FGF2: variants seen among roughly 807,000 people sequenced by gnomAD.
FGF2 encodes the protein basic fibroblast growth factor bFGF.
FGF2 carries 13 observed loss-of-function variants against 15.9 expected under a neutral mutation model. The observed-to-expected ratio is 0.82, with a 90% CI of 0.53 to 1.30. The LOEUF is 1.30. FGF2 is among the 50% of genes most tolerant of loss of function. The probability of loss-of-function intolerance (pLI) is 0.00; values close to 1 mark genes in which losing one functional copy is unlikely to be tolerated. For missense variants in FGF2, 163 were observed against 196.9 expected (o/e 0.83, Z 1.03); for synonymous variants, 90 against 78.4 (o/e 1.15, Z -0.78).
chr4:122,863,980 C>G (rs965302670), intron 1 of FGF2, among the ~76,000 whole-genome samples: 1 of 147,948 alleles, frequency 6.8e-6, no homozygotes, highest in African/African-American at 2.7e-5. Context: ...TTGAAACAGG[C>G]CTGCAACATT....
intron 1 of FGF2, among the ~76,000 whole-genome samples, chr4:122,875,325 T>A (rs1726816830): frequency 6.6e-6 from 1 of 152,016 alleles, no homozygotes; most frequent in Non-Finnish European, 1.5e-5. Flanking sequence ...AGGATCTTAT[T>A]TTATGAAAAT....
At chr4:122,866,284 C>T (rs940865873) in intron 1 of FGF2, among the ~76,000 whole-genome samples, 14 of 151,728 alleles carry the variant, frequency 9.2e-5, no homozygotes, top group Admixed American at 4.6e-4. Flanking sequence ...AGGAGAATGG[C>T]GTGAACCCAG....
At chr4:122,842,753 C>A (rs1726016303) in intron 1 of FGF2, among the ~76,000 whole-genome samples, 1 of 152,130 alleles carries the variant, frequency 6.6e-6, no homozygotes, top group South Asian at 2.1e-4. Flanking sequence ...TTGCTGCTGG[C>A]TACTAGAAAG....
At chr4:122,869,780 A>C in intron 1 of FGF2, among the ~76,000 whole-genome samples, 1 of 152,240 alleles carries the variant, frequency 6.6e-6, no homozygotes, top group Non-Finnish European at 1.5e-5. Context: ...TGTCATCTGC[A>C]AACAGAGACA....
At chr4:122,889,652 C>G (rs57319784) in intron 2 of FGF2, among the ~76,000 whole-genome samples, 32 of 152,036 alleles carry the variant, frequency 2.1e-4, no homozygotes, top group African/African-American at 7.5e-4. Flanking sequence ...ATTTGCATTG[C>G]TGAACATTCA....
chr4:122,888,878 G>T lies in FGF2; in HGVS notation c.283-3333G>T, dbSNP rs151135315. On this transcript the variant is annotated intron_variant, in intron 2 of 2. Coordinates refer to ENST00000644866, the MANE Select transcript of FGF2 (RefSeq NM_001361665.2). The stretch of plus-strand genomic sequence containing the variant: ...TTCACTTAAGCTTATTGCTTATTGT[G>T]TGTCTCCCCCAGCTAGAATTTGAGT... The T allele has an allele frequency of 2.5e-3, 383 of 152,092 alleles. 1 individual carries two copies. The highest frequency in any genetic ancestry group is 8.9e-3 in the African/African-American group (371 of 41,482). The allele number at this position is 152,092 out of a possible 1,614,324, so 9.4% of individuals were successfully genotyped here. A position where few individuals can be genotyped will look rare whatever the true frequency, so the allele number is the denominator to read the frequency against.
intron 1 of FGF2, among the ~76,000 whole-genome samples, chr4:122,851,433 C>T (rs1438957350): frequency 6.6e-6 from 1 of 152,050 alleles, no homozygotes; most frequent in Non-Finnish European, 1.5e-5. Context: ...GAGTATAATC[C>T]CAGAAAAGAG....
At position 122,892,435 on chromosome 4, in the gene FGF2, A is replaced by G; in HGVS notation, c.*39A>G. 1 of 1,611,572 alleles carries G rather than the reference A, an allele frequency of 6.2e-7. No homozygotes were observed. The highest frequency in any genetic ancestry group is 8.5e-7 in the Non-Finnish European group (1 of 1,177,830). On this transcript the variant is annotated 3_prime_UTR_variant, in exon 3 of 3. Coordinates refer to ENST00000644866, the MANE Select transcript of FGF2 (RefSeq NM_001361665.2). ...ATCTAATCTCATTTCACATGAAAGAAGAAGTATATTTTAGAAATTTGTTAA... is the reference window on the plus strand; with the variant it reads ...ATCTAATCTCATTTCACATGAAAGAGGAAGTATATTTTAGAAATTTGTTAA...
chr4:122,892,992 T>C lies in FGF2; in HGVS notation c.*596T>C. 6.2e-7 allele frequency: 1 copy of C among 1,614,154 alleles called. No homozygotes were observed. Among genetic ancestry groups the C allele is most frequent in the Non-Finnish European group, 8.5e-7 (1 of 1,180,026 alleles). On this transcript the variant is annotated 3_prime_UTR_variant, in exon 3 of 3. Transcript: ENST00000644866. Reference sequence around the variant, plus strand: ...AGCAGCCTAGCAACTCTGCTGGTGATGGGAGTTGTATTTTCAGTCTTCGCC... The same window carrying C: ...AGCAGCCTAGCAACTCTGCTGGTGACGGGAGTTGTATTTTCAGTCTTCGCC...
intron 1 of FGF2, among the ~76,000 whole-genome samples, chr4:122,874,688 A>G (rs1419393525): frequency 6.6e-6 from 1 of 152,076 alleles, no homozygotes; most frequent in Non-Finnish European, 1.5e-5. Flanking sequence ...CCCAGATATT[A>G]TGTTTCATTT....
intron 1 of FGF2, among the ~76,000 whole-genome samples, chr4:122,848,280 T>A (rs2150769943): frequency 6.6e-6 from 1 of 152,364 alleles, no homozygotes; most frequent in African/African-American, 2.4e-5. Context: ...CAGGGGCACA[T>A]GGAGTCCAGG....
At chr4:122,889,843 A>T (rs1298287628) in intron 2 of FGF2, 1 of 152,216 alleles carries the variant, frequency 6.6e-6, no homozygotes, top group Non-Finnish European at 1.5e-5. Context: ...GGCAAATGTT[A>T]TTGGAATAGT....
chr4:122,845,627 GT>G (rs1163218658), intron 1 of FGF2, among the ~76,000 whole-genome samples: 1 of 152,222 alleles, frequency 6.6e-6, no homozygotes, highest in African/African-American at 2.4e-5. Context: ...GAGATGGCTT[GT>G]TTTGTTAAAC....
intron 1 of FGF2, among the ~76,000 whole-genome samples, chr4:122,863,943 A>G (rs1726522087): frequency 6.6e-6 from 1 of 150,484 alleles, no homozygotes; most frequent in Admixed American, 6.6e-5. Flanking sequence ...ATTTTCAAGA[A>G]TAATGTTCTT....
At chr4:122,850,866 T>C (rs1441466393) in intron 1 of FGF2, among the ~76,000 whole-genome samples, 1 of 152,224 alleles carries the variant, frequency 6.6e-6, no homozygotes, top group African/African-American at 2.4e-5. Context: ...GAAGTGTCAG[T>C]ACTGGAGCCA....
In FGF2 at chr4:122,842,392, A is replaced by C. The variant is rs542272784; in HGVS notation, c.178+15040A>C. Among the ~76,000 whole-genome samples the C allele has an allele frequency of 2.0e-5, 3 of 152,362 alleles. No homozygotes were observed. The South Asian group carries it at 6.2e-4, about 32-fold the overall frequency. On this transcript the variant is annotated intron_variant, in intron 1 of 2. Coordinates refer to ENST00000644866, the MANE Select transcript of FGF2 (RefSeq NM_001361665.2). The stretch of plus-strand genomic sequence containing the variant: ...AGGTTATCTGTGGTCCAAAATGTTA[A>C]GGACAGTATCACTAGAAACACTAAA...
In FGF2 at chr4:122,895,070, CACTA is replaced by C. The variant is rs1367683860; in HGVS notation, c.*2678_*2681del. 1.3e-5 allele frequency: 2 copies of C among 152,166 alleles called. No individual in the cohort carries two copies. The highest frequency in any genetic ancestry group is 2.9e-5 in the Non-Finnish European group (2 of 68,030). The allele number at this position is 152,166 out of a possible 1,614,324, so 9.4% of individuals were successfully genotyped here. A position where few individuals can be genotyped will look rare whatever the true frequency, so the allele number is the denominator to read the frequency against. On this transcript the variant is annotated 3_prime_UTR_variant, in exon 3 of 3. Coordinates refer to ENST00000644866, the MANE Select transcript of FGF2 (RefSeq NM_001361665.2). ...TAGTTTTGATCAGTTTAACTTGAAT[CACTA>C]ACTGACTGAAAATTGAATGGGCAAA...
rs1232794693 is a variant in FGF2 at position 122,893,143 on chromosome 4, G to A, written c.*747G>A. 1.9e-6 allele frequency: 3 copies of A among 1,614,178 alleles called. No homozygotes were observed. The highest frequency in any genetic ancestry group is 1.7e-5 in the Admixed American group (1 of 60,022). The stretch of plus-strand genomic sequence containing the variant: ...ACTTCCCAAAAGCTCCAGGATTTGT[G>A]TGCTGTTGCCGAATACTCAGGACGG... On this transcript the variant is annotated 3_prime_UTR_variant, in exon 3 of 3. Transcript: ENST00000644866.
intron 1 of FGF2, among the ~76,000 whole-genome samples, chr4:122,866,140 C>T (rs1205571113): frequency 6.6e-5 from 10 of 152,054 alleles, no homozygotes; most frequent in East Asian, 1.9e-4. Context: ...GAGGCCGAGG[C>T]GGGCGGATCA....
Sources: gnomAD v4.1 joint callset for allele counts (sites outside exome capture counted in the v4.1 genomes callset) on GRCh38, gnomAD v4.1.1 for gene constraint, MANE v1.5 for transcripts, NCBI Gene and HGNC (gene_info 2026-07-23, HGNC 2026-07-21) for gene names.